The following ULK4 variants were observed in gnomAD, a reference collection of about 807,000 sequenced individuals.
The protein encoded by ULK4 is unc-51 like kinase 4, also known as inactive serine/threonine-protein kinase ULK4.
In ULK4, 133 loss-of-function variants were observed where a neutral mutation model predicts 160.6. That is an observed-to-expected ratio of 0.83 (90% CI 0.72 to 0.96). ULK4 has a LOEUF of 0.96. ULK4 is among the 40% of genes least tolerant of loss of function. The pLI, the probability that ULK4 is intolerant of heterozygous loss-of-function variation, is 0.00. For synonymous variants in ULK4, 534 were observed against 539.8 expected, an observed-to-expected ratio of 0.99 and a Z score of 0.15; for missense variants, 1,580 against 1,499.5, an observed-to-expected ratio of 1.05 and a Z score of -0.89.
At chr3:41,819,589 A>C in intron 18 of ULK4, 83 bp from the exon 19 acceptor site, 10 of 1,178,068 alleles carry the variant, frequency 8.5e-6, no homozygotes, top group Non-Finnish European at 1.2e-5. Context: ...GCACAGCTCC[A>C]AGTATACAAA....
chr3:41,506,028 C>T (rs2085360832), intron 32 of ULK4, among the ~76,000 whole-genome samples: 2 of 151,676 alleles, frequency 1.3e-5, no homozygotes, highest in African/African-American at 4.8e-5. Flanking sequence ...ATATGTTTGT[C>T]AAATGCATTT....
At chr3:41,488,036 G>A (rs2084604351) in intron 32 of ULK4, among the ~76,000 whole-genome samples, 1 of 152,106 alleles carries the variant, frequency 6.6e-6, no homozygotes, top group Admixed American at 6.5e-5. Context: ...CTACTTGGAA[G>A]GGGAAGGAAA....
At chr3:41,732,477 T>C (rs1213405354) in intron 22 of ULK4, among the ~76,000 whole-genome samples, 1 of 152,040 alleles carries the variant, frequency 6.6e-6, no homozygotes, top group Non-Finnish European at 1.5e-5. Flanking sequence ...TGACAAATAT[T>C]GGCATAGATG....
Position 41,431,784 on chromosome 3 carries a change from TTTTTC to T in ULK4, c.3492+23708_3492+23712del, listed in dbSNP as rs1273226474. 1.5e-5 allele frequency among the ~76,000 whole-genome samples: 2 copies of T among 134,258 alleles called. 1 individual carries two copies. Among genetic ancestry groups the T allele is most frequent in the South Asian group, 5.0e-4 (2 of 4,012 alleles). 88.1% of individuals were successfully genotyped at this position (134,258 alleles called of 152,430 possible). A position where few individuals can be genotyped will look rare whatever the true frequency, so the allele number is the denominator to read the frequency against. ...AGATGCGACTATTTCTTTTTTTTCC[TTTTTC>T]TTTTCTTTTTTTTTTTTTGAGACAG... On this transcript the variant is annotated intron_variant, in intron 34 of 36. Transcript: ENST00000301831.
chr3:41,650,889 T>C lies in ULK4; in HGVS notation c.3071+12718A>G, dbSNP rs572256556. 1.3e-3 allele frequency among the ~76,000 whole-genome samples: 191 copies of C among 152,342 alleles called. 2 individuals carry two copies. Among genetic ancestry groups the C allele is most frequent in the African/African-American group, 4.4e-3 (182 of 41,578 alleles). On this transcript the variant is annotated intron_variant, in intron 30 of 36. Transcript: ENST00000301831. ...AAATTTATCAGCCCCCTGCACTAGA[T>C]TGTTCTCATTAACATAGAGACAACA...
chr3:41,411,380 T>C (rs2082405517), intron 34 of ULK4, among the ~76,000 whole-genome samples: 1 of 152,084 alleles, frequency 6.6e-6, no homozygotes, highest in South Asian at 2.1e-4. Flanking sequence ...GTTAAAACTT[T>C]GTTCTCCACA....
intron 35 of ULK4, among the ~76,000 whole-genome samples, chr3:41,311,894 A>ATATATATATATATATATATATG (rs1164908059): frequency 1.4e-4 from 21 of 151,346 alleles, no homozygotes; most frequent in African/African-American, 4.9e-4. Context: ...ATATATATAT[A>ATATATATATATATATATATATG]TCCTATTAGT....
At chr3:41,803,694 T>C (rs1275021774) in intron 19 of ULK4, among the ~76,000 whole-genome samples, 1 of 152,138 alleles carries the variant, frequency 6.6e-6, no homozygotes, top group African/African-American at 2.4e-5. Flanking sequence ...GTCCATGTGT[T>C]CTCATTGTTC....
chr3:41,485,067 T>C (rs551861708), intron 32 of ULK4, among the ~76,000 whole-genome samples: 9 of 152,196 alleles, frequency 5.9e-5, no homozygotes, highest in Non-Finnish European at 1.2e-4. Flanking sequence ...CCAGGTATTA[T>C]TCTAAGTGCT....
At chr3:41,443,749 T>G (rs887833772) in intron 34 of ULK4, among the ~76,000 whole-genome samples, 1 of 109,710 alleles carries the variant, frequency 9.1e-6, no homozygotes, top group Non-Finnish European at 1.9e-5. Context: ...AAATATATAT[T>G]TTCAATAAAT....
intron 35 of ULK4, among the ~76,000 whole-genome samples, chr3:41,397,142 T>A (rs2082079456): frequency 6.6e-6 from 1 of 152,096 alleles, no homozygotes. Flanking sequence ...AGAACCCCCA[T>A]CCTTTATTAA....
chr3:41,458,547 T>C (rs1037624971), intron 33 of ULK4, among the ~76,000 whole-genome samples: 3 of 152,002 alleles, frequency 2.0e-5, no homozygotes, highest in African/African-American at 7.2e-5. Context: ...TAACATTAAA[T>C]AGCAATACAG....
At chr3:41,642,179 G>A (rs746648769) in intron 30 of ULK4, among the ~76,000 whole-genome samples, 45 of 152,012 alleles carry the variant, frequency 3.0e-4, no homozygotes, top group Non-Finnish European at 5.2e-4. Context: ...CAGCCAATAC[G>A]TAACAGTTTT....
rs1309390318 is a variant in ULK4 at position 41,686,142 on chromosome 3, A to C, written c.2782-4338T>G. Among the ~76,000 whole-genome samples the C allele has an allele frequency of 5.3e-5, 8 of 152,150 alleles. 1 individual carries two copies. The highest frequency in any genetic ancestry group is 1.2e-4 in the Non-Finnish European group (8 of 68,024). ...TGGAAATCATCACAACCAACCATAC[A>C]ACAAAGAAAAAGCAAACAAACATGA... On this transcript the variant is annotated intron_variant, in intron 27 of 36. Coordinates refer to ENST00000301831, the MANE Select transcript of ULK4 (RefSeq NM_017886.4).
intron 32 of ULK4, 125 bp downstream of exon 32, chr3:41,565,900 T>G: frequency 1.5e-6 from 1 of 658,700 alleles, no homozygotes; most frequent in Non-Finnish European, 2.5e-6. Flanking sequence ...CTAGTAATAT[T>G]ACTTGAAAAT....
At chr3:41,456,695 C>A (rs1258733857) in intron 33 of ULK4, among the ~76,000 whole-genome samples, 4 of 152,050 alleles carry the variant, frequency 2.6e-5, no homozygotes, top group South Asian at 2.1e-4. Context: ...ATGTAGACGC[C>A]CTTCCTCTCT....
intron 27 of ULK4, among the ~76,000 whole-genome samples, chr3:41,691,477 C>T (rs75895053): frequency 6.6e-6 from 1 of 151,918 alleles, no homozygotes; most frequent in East Asian, 1.9e-4. Context: ...CTTGAGTCTG[C>T]CTATGCCCCC....
intron 12 of ULK4, among the ~76,000 whole-genome samples, chr3:41,902,407 A>G (rs1698404275): frequency 6.6e-6 from 1 of 151,954 alleles, no homozygotes; most frequent in South Asian, 2.1e-4. Flanking sequence ...GTGAAACACC[A>G]TCTCTACTAA....
At chr3:41,928,701 C>T (rs1032124861) in intron 5 of ULK4, among the ~76,000 whole-genome samples, 1 of 151,892 alleles carries the variant, frequency 6.6e-6, no homozygotes, top group Admixed American at 6.6e-5. Flanking sequence ...TCAGAGAATA[C>T]TATAAACACC....
Sources: gnomAD v4.1 joint callset for allele counts (sites outside exome capture counted in the v4.1 genomes callset) on GRCh38, gnomAD v4.1.1 for gene constraint, MANE v1.5 for transcripts, NCBI Gene and HGNC (gene_info 2026-07-23, HGNC 2026-07-21) for gene names.